Variants in CNDP1 observed in about 807,000 individuals in gnomAD.
CNDP1 encodes carnosine dipeptidase 1.
Under a neutral mutation model 58.1 loss-of-function variants are expected in CNDP1, and 44 were observed. The observed-to-expected ratio is 0.76, with a 90% CI of 0.60 to 0.97. CNDP1 has a LOEUF of 0.97. Ranked by LOEUF, CNDP1 falls within the 50% of genes least tolerant of loss-of-function variation. The probability of loss-of-function intolerance (pLI) is 0.00; values close to 1 mark genes in which losing one functional copy is unlikely to be tolerated. For synonymous variants in CNDP1, 254 were observed against 252.6 expected (o/e 1.01, Z -0.05); for missense variants, 616 against 655.1 (o/e 0.94, Z 0.65).
chr18:74,545,243 T>G lies in CNDP1; in HGVS notation c.24+10552T>G, dbSNP rs980402290. On this transcript the variant is annotated intron_variant, in intron 1 of 11. Coordinates refer to ENST00000358821, the MANE Select transcript of CNDP1 (RefSeq NM_032649.6). The surrounding 1 kb of genome is among the most constrained non-coding windows in gnomAD (Gnocchi z 4.1). ...CCCCGCCCTCTCCTCGAATCTGCCTTGTTCTCGACTTTACATTTGTTGGAC... is the reference window on the plus strand; with the variant it reads ...CCCCGCCCTCTCCTCGAATCTGCCTGGTTCTCGACTTTACATTTGTTGGAC... Among the ~76,000 whole-genome samples, 4 of 152,236 alleles carry G rather than the reference T, an allele frequency of 2.6e-5. No homozygotes were observed. The highest frequency in any genetic ancestry group is 2.9e-5 in the Non-Finnish European group (2 of 68,048).
intron 1 of CNDP1, among the ~76,000 whole-genome samples, chr18:74,554,424 A>T (rs1321254235): frequency 3.3e-5 from 5 of 152,136 alleles, no homozygotes; most frequent in African/African-American, 1.2e-4. Flanking sequence ...CGTCTGGGAC[A>T]TTTTCAGTAG....
intron 1 of CNDP1, among the ~76,000 whole-genome samples, chr18:74,540,334 A>G (rs1980587392): frequency 1.3e-5 from 2 of 151,868 alleles, no homozygotes; most frequent in Non-Finnish European, 2.9e-5. Flanking sequence ...ATTTTTGTAT[A>G]TTTTAATAGA....
Position 74,571,278 on chromosome 18 carries a change from C to T in CNDP1, c.841+8C>T, listed in dbSNP as rs144858728. Reference sequence around the variant, plus strand: ...ATCTGGTTGCTCTTCTCGGTAATGCCTTATTTTGTTTCACTTTTTAAGCAT... The same window carrying T: ...ATCTGGTTGCTCTTCTCGGTAATGCTTTATTTTGTTTCACTTTTTAAGCAT... On this transcript the variant is annotated splice_region_variant and intron_variant, in intron 7 of 11. Transcript: ENST00000358821. 14 of 1,588,046 alleles carry T rather than the reference C, an allele frequency of 8.8e-6. No homozygotes were observed. Among genetic ancestry groups the T allele is most frequent in the Middle Eastern group, 1.7e-4 (1 of 6,004 alleles).
intron 1 of CNDP1, among the ~76,000 whole-genome samples, chr18:74,547,053 C>A (rs770133549): frequency 2.0e-5 from 3 of 152,218 alleles, no homozygotes; most frequent in Non-Finnish European, 2.9e-5. Flanking sequence ...TGGGGACTTG[C>A]CGCCACAGTG....
intron 10 of CNDP1, among the ~76,000 whole-genome samples, chr18:74,580,611 A>C (rs1467967729): frequency 1.3e-5 from 2 of 152,206 alleles, no homozygotes; most frequent in Non-Finnish European, 2.9e-5. Flanking sequence ...GAAAATCTTC[A>C]ACCCCCTCCC....
rs532368814 is a variant in CNDP1 at position 74,575,402 on chromosome 18, T to A, written c.842-1467T>A. 3.9e-5 allele frequency among the ~76,000 whole-genome samples: 6 copies of A among 152,294 alleles called. No individual in the cohort carries two copies. The South Asian group carries it at 1.2e-3, about 32-fold the overall frequency. On this transcript the variant is annotated intron_variant, in intron 7 of 11. Transcript: ENST00000358821. ...TTAGGGACATATGCTCAAGAGGAGA[T>A]CTCATGACTGCATTATCAGTGGGGA... is the stretch of plus-strand genomic sequence containing the variant.
At chr18:74,538,441 G>A (rs1455375097) in intron 1 of CNDP1, among the ~76,000 whole-genome samples, 2 of 152,150 alleles carry the variant, frequency 1.3e-5, no homozygotes, top group African/African-American at 4.8e-5. Context: ...TTGTTTGTTG[G>A]TGGACATGTG....
chr18:74,561,690 A>G (rs183511784), intron 4 of CNDP1: 317 of 203,370 alleles, frequency 1.6e-3, no homozygotes, highest in Non-Finnish European at 2.5e-3. Context: ...AAAATCCCCA[A>G]ATGAGAGGCT....
rs754049170 is a variant in CNDP1, at chr18:74,562,072, C to G, written c.492C>G (p.Thr164=). 1 of 1,614,024 alleles carries G rather than the reference C, an allele frequency of 6.2e-7. No homozygotes were observed. The highest frequency in any genetic ancestry group is 8.5e-7 in the Non-Finnish European group (1 of 1,179,976). ...GGAAACTTTATGGACGAGGAGCGAC[C>G]GACAACAAAGGCCCTGTCTTGGCTT... is the stretch of plus-strand genomic sequence containing the variant. ...VDGKLYGRGA[T]DNKGPVLAWI... The change falls in exon 5 of 12, where the codon ACC becomes ACG. Residue 164 remains threonine (T), a synonymous_variant. Transcript: ENST00000358821.
chr18:74,582,833 G>A (rs1173470434), intron 10 of CNDP1, among the ~76,000 whole-genome samples: 2 of 152,192 alleles, frequency 1.3e-5, no homozygotes, highest in Non-Finnish European at 2.9e-5. Context: ...TAACAACATT[G>A]CACCGTTGTC....
At chr18:74,572,890 T>A (rs1442486131) in intron 7 of CNDP1, among the ~76,000 whole-genome samples, 1 of 147,672 alleles carries the variant, frequency 6.8e-6, no homozygotes, top group African/African-American at 2.5e-5. Context: ...GGCAGACAAA[T>A]TGCCAGAAAG....
chr18:74,544,717 C>T (rs1342628733), intron 1 of CNDP1, among the ~76,000 whole-genome samples: 2 of 63,858 alleles, frequency 3.1e-5, no homozygotes, highest in Non-Finnish European at 5.6e-5. Flanking sequence ...GGTTCTGTCT[C>T]AAAAAAAAAA....
Position 74,567,306 on chromosome 18 carries a change from T to G in CNDP1, c.629T>G (p.Val210Gly), listed in dbSNP as rs1981354045. 6.2e-7 allele frequency: 1 copy of G among 1,613,958 alleles called. No individual in the cohort carries two copies. Among genetic ancestry groups the G allele is most frequent in the Non-Finnish European group, 8.5e-7 (1 of 1,179,982 alleles). Residue 210 changes from valine (V) to glycine (G), a missense_variant, in exon 6 of 12, where the codon GTG becomes GGG. By Grantham distance (109) the Val-to-Gly change is moderately radical. Coordinates refer to ENST00000358821, the MANE Select transcript of CNDP1 (RefSeq NM_032649.6). ...GGCTCTGTTGCCCTGGAGGAACTTG[T>G]GGAAAAAGAAAAGGACCGATTCTTC... ...EAGSVALEEL[V>G]EKEKDRFFSG...
At chr18:74,541,116 T>C (rs1054449923) in intron 1 of CNDP1, among the ~76,000 whole-genome samples, 1 of 152,178 alleles carries the variant, frequency 6.6e-6, no homozygotes, top group Non-Finnish European at 1.5e-5. Flanking sequence ...AACTTGTAGG[T>C]TCTGAAAGTG....
At chr18:74,579,845 G>C (rs919936792) in intron 9 of CNDP1, among the ~76,000 whole-genome samples, 4 of 152,210 alleles carry the variant, frequency 2.6e-5, no homozygotes, top group East Asian at 1.9e-4. Flanking sequence ...TGGTTGGAAG[G>C]GGGTGGGCCG....
chr18:74,535,654 A>T (rs1980469383), intron 1 of CNDP1, among the ~76,000 whole-genome samples: 1 of 148,314 alleles, frequency 6.7e-6, no homozygotes, highest in Non-Finnish European at 1.5e-5. Context: ...ATTTCACTGA[A>T]TACTGTCTTA....
At chr18:74,560,539 AC>A (rs1474710271) in intron 3 of CNDP1, among the ~76,000 whole-genome samples, 1 of 151,946 alleles carries the variant, frequency 6.6e-6, no homozygotes, top group Non-Finnish European at 1.5e-5. Flanking sequence ...ACCTATCTCT[AC>A]CAAAAATACA....
In CNDP1 at chr18:74,563,392, T is replaced by C. The variant is rs1285860101; in HGVS notation, c.555+1257T>C. On this transcript the variant is annotated intron_variant, in intron 5 of 11. Transcript: ENST00000358821. ...CTCCCTCTCCTTCTCTTTCTTCCTC[T>C]ATCTCTCCTTCTAAGGGATAGCAAT... 2.0e-5 allele frequency among the ~76,000 whole-genome samples: 3 copies of C among 152,310 alleles called. No individual in the cohort carries two copies. In the East Asian group the frequency reaches 5.8e-4, roughly 29 times the overall value.
chr18:74,561,414 CAAA>C (rs11447097), intron 4 of CNDP1: 22 of 130,432 alleles, frequency 1.7e-4, no homozygotes, highest in Non-Finnish European at 1.8e-4. Context: ...GAGACTTCAT[CAAA>C]AAAAAAAAAA....
Sources: gnomAD v4.1 joint callset for allele counts (sites outside exome capture counted in the v4.1 genomes callset) on GRCh38, gnomAD v4.1.1 for gene constraint, Gnocchi (gnomAD v3.1) non-coding constraint, MANE v1.5 for transcripts, NCBI Gene and HGNC (gene_info 2026-07-23, HGNC 2026-07-21) for gene names.